The following TMC1 variants were observed in gnomAD, a reference collection of about 807,000 sequenced individuals.
TMC1 encodes transmembrane channel like 1, also known as transmembrane channel-like protein 1.
TMC1 carries 84 observed loss-of-function variants against 105.8 expected under a neutral mutation model. That is an observed-to-expected ratio of 0.79 (90% CI 0.67 to 0.95). The LOEUF is 0.95. TMC1 is among the 40% of genes least tolerant of loss of function. The probability of loss-of-function intolerance (pLI) is 0.00; values close to 1 mark genes in which losing one functional copy is unlikely to be tolerated. For synonymous variants in TMC1, 315 were observed against 311.5 expected (o/e 1.01, Z -0.12); for missense variants, 817 against 914.1 (o/e 0.89, Z 1.37).
At chr9:72,821,195 G>A in intron 20 of TMC1, 114 bp downstream of exon 20, 1 of 1,530,166 alleles carries the variant, frequency 6.5e-7, no homozygotes, top group Non-Finnish European at 9.0e-7. Flanking sequence ...ATTTTTGGTT[G>A]GTGGAAATGA....
intron 17 of TMC1, among the ~76,000 whole-genome samples, chr9:72,796,111 A>G (rs571295401): frequency 5.9e-5 from 9 of 152,314 alleles, no homozygotes; most frequent in Admixed American, 3.3e-4. Context: ...AGGGCATTAC[A>G]TAATGGTAAA....
intron 12 of TMC1, among the ~76,000 whole-genome samples, chr9:72,759,309 G>T (rs188313747): frequency 6.6e-6 from 1 of 152,140 alleles, no homozygotes; most frequent in Admixed American, 6.5e-5. Context: ...TTGTCTAAGT[G>T]CCTCCTATAG....
Position 72,836,388 on chromosome 9 carries a change from CT to C in TMC1, c.*420del. 1 of 185,592 alleles carries C rather than the reference CT, an allele frequency of 5.4e-6. No individual in the cohort carries two copies. Among genetic ancestry groups the C allele is most frequent in the Non-Finnish European group, 1.1e-5 (1 of 88,534 alleles). The allele number at this position is 185,592 out of a possible 1,614,324, so 11.5% of individuals were successfully genotyped here. A position where few individuals can be genotyped will look rare whatever the true frequency, so the allele number is the denominator to read the frequency against. On this transcript the variant is annotated 3_prime_UTR_variant, in exon 24 of 24. Transcript: ENST00000297784. ...AAACTGAGAGCAGAAATATTTCACC[CT>C]TTTTCCTCTAAGTTCAGAAATATTT...
intron 1 of TMC1, among the ~76,000 whole-genome samples, chr9:72,550,657 C>CA (rs71493659): frequency 0.088 from 5,442 of 61,648 alleles, 437 homozygotes; most frequent in Middle Eastern, 0.14. Flanking sequence ...GACTCCATCT[C>CA]AAAAAAAAAA....
chr9:72,750,094 C>A, intron 10 of TMC1, among the ~76,000 whole-genome samples: 1 of 151,964 alleles, frequency 6.6e-6, no homozygotes. Context: ...GTGACAAGGG[C>A]AAAACTCCAT....
At chr9:72,697,281 A>G (rs1425450944) in intron 7 of TMC1, among the ~76,000 whole-genome samples, 3 of 152,138 alleles carry the variant, frequency 2.0e-5, no homozygotes, top group African/African-American at 7.2e-5. Context: ...CTTTTGTGCA[A>G]CCTAATTTGC....
chr9:72,766,757 C>T (rs1827845073), intron 12 of TMC1, among the ~76,000 whole-genome samples: 1 of 152,178 alleles, frequency 6.6e-6, no homozygotes, highest in Non-Finnish European at 1.5e-5. Flanking sequence ...TGCCTAGGCT[C>T]AGCTCAGCTT....
At chr9:72,788,911 AGTTT>A (rs1249116147) in intron 14 of TMC1, among the ~76,000 whole-genome samples, 1 of 152,062 alleles carries the variant, frequency 6.6e-6, no homozygotes, top group Admixed American at 6.6e-5. Context: ...GAGCAATCAC[AGTTT>A]GTTTGCAAGA....
At chr9:72,570,068 A>G (rs989701616) in intron 1 of TMC1, among the ~76,000 whole-genome samples, 1 of 152,150 alleles carries the variant, frequency 6.6e-6, no homozygotes, top group Non-Finnish European at 1.5e-5. Context: ...AGAGGAATAT[A>G]ATGAGCCCTT....
chr9:72,551,718 ATTTGTAATTAGGATGTTT>A (rs1823862849), intron 1 of TMC1, among the ~76,000 whole-genome samples: 1 of 152,144 alleles, frequency 6.6e-6, no homozygotes, highest in South Asian at 2.1e-4. Context: ...ATGTTCCCTT[ATTTGTAATTAGGATGTTT>A]ACAGATGTAA....
chr9:72,525,723 C>T (rs893825296), intron 1 of TMC1, among the ~76,000 whole-genome samples: 2 of 152,210 alleles, frequency 1.3e-5, no homozygotes, highest in African/African-American at 4.8e-5. Context: ...TGCGGTGGCT[C>T]ACGCCTGTAA....
At chr9:72,572,565 C>T (rs973160361) in intron 1 of TMC1, among the ~76,000 whole-genome samples, 1 of 152,146 alleles carries the variant, frequency 6.6e-6, no homozygotes, top group Non-Finnish European at 1.5e-5. Context: ...AAAGGAGGTG[C>T]CCATAGTCAA....
intron 8 of TMC1, among the ~76,000 whole-genome samples, chr9:72,719,258 C>G (rs1826975407): frequency 6.6e-6 from 1 of 152,310 alleles, no homozygotes; most frequent in East Asian, 1.9e-4. Flanking sequence ...AGGTTTCCTT[C>G]TCCCTGTGGT....
intron 1 of TMC1, among the ~76,000 whole-genome samples, chr9:72,536,937 C>A (rs1265471092): frequency 2.0e-5 from 3 of 152,192 alleles, no homozygotes; most frequent in Non-Finnish European, 4.4e-5. Flanking sequence ...CTATGGCAGA[C>A]TTCTGCCTGC....
intron 3 of TMC1, among the ~76,000 whole-genome samples, chr9:72,624,727 G>A (rs1366959793): frequency 6.6e-6 from 1 of 152,158 alleles, no homozygotes; most frequent in Non-Finnish European, 1.5e-5. Flanking sequence ...AGCAGTTGTG[G>A]GAGCTTCTGT....
At chr9:72,529,222 T>C (rs1371183039) in intron 1 of TMC1, among the ~76,000 whole-genome samples, 1 of 152,132 alleles carries the variant, frequency 6.6e-6, no homozygotes, top group Non-Finnish European at 1.5e-5. Flanking sequence ...ATAACTCTAA[T>C]TGCTAAATCG....
chr9:72,632,046 GA>G (rs1229959949), intron 4 of TMC1, among the ~76,000 whole-genome samples: 1 of 152,162 alleles, frequency 6.6e-6, no homozygotes, highest in Admixed American at 6.5e-5. Context: ...AATTTATAAA[GA>G]AAAGGGTTTA....
At chr9:72,823,083 A>G (rs1378456884) in intron 20 of TMC1, among the ~76,000 whole-genome samples, 1 of 152,160 alleles carries the variant, frequency 6.6e-6, no homozygotes, top group Non-Finnish European at 1.5e-5. Context: ...GTGTTTGGTT[A>G]CTTGAGTCAG....
intron 12 of TMC1, among the ~76,000 whole-genome samples, chr9:72,760,279 G>A (rs1368029233): frequency 6.6e-6 from 1 of 152,172 alleles, no homozygotes; most frequent in Non-Finnish European, 1.5e-5. Context: ...TGACTTCATA[G>A]AGGTGCTCAC....
Sources: gnomAD v4.1 joint callset for allele counts (sites outside exome capture counted in the v4.1 genomes callset) on GRCh38, gnomAD v4.1.1 for gene constraint, MANE v1.5 for transcripts, NCBI Gene and HGNC (gene_info 2026-07-23, HGNC 2026-07-21) for gene names.